The following TSR2 variants were observed in gnomAD, a reference collection of about 807,000 sequenced individuals.
The protein encoded by TSR2 is TSR2 ribosome maturation factor.
In TSR2, 1 loss-of-function variant was observed where a neutral mutation model predicts 13.3. That is an observed-to-expected ratio of 0.08 (90% CI 0.03 to 0.36). The LOEUF (loss-of-function observed/expected upper bound fraction) is 0.36, where lower values mean the gene tolerates loss of function less well. Ranked by LOEUF, TSR2 falls within the 10% of genes least tolerant of loss-of-function variation. The pLI, the probability that TSR2 is intolerant of heterozygous loss-of-function variation, is 0.99. For synonymous variants in TSR2, 60 were observed against 57.7 expected, an observed-to-expected ratio of 1.04 and a Z score of -0.18; for missense variants, 120 against 151.1, an observed-to-expected ratio of 0.79 and a Z score of 1.08.
rs1384963513 is a variant in TSR2 at position 54,447,161 on chromosome X, C to G, written c.*2611C>G. ...CTCCTTGTCTCTAGCCAGTCTTTGT[C>G]TCTCAAGGGTTGGGGTTCTGATTTC... On this transcript the variant is annotated 3_prime_UTR_variant, in exon 5 of 5. Transcript: ENST00000375151. The G allele has an allele frequency of 1.6e-6, 1 of 612,451 alleles. No individual in the cohort carries two copies. The highest frequency in any genetic ancestry group is 3.6e-5 in the East Asian group (1 of 28,045). The allele number at this position is 612,451 out of a possible 1,213,427, so 50.5% of individuals were successfully genotyped here.
rs1569540919 is a variant in TSR2, at chrX:54,446,214, C to CG, written c.*1667dup. 1.7e-6 allele frequency: 2 copies of CG among 1,211,581 alleles called. No individual in the cohort carries two copies. ...CCCTGTCCTCAGACAGTGTGGGCCCCGGGCAGAACGTGTCCCCTCGGCCCG... is the reference window on the plus strand; with the variant it reads ...CCCTGTCCTCAGACAGTGTGGGCCCCGGGGCAGAACGTGTCCCCTCGGCCCG... On this transcript the variant is annotated 3_prime_UTR_variant, in exon 5 of 5. Coordinates refer to ENST00000375151, the MANE Select transcript of TSR2 (RefSeq NM_058163.3).
Position 54,444,413 on chromosome X carries a change from C to T in TSR2, c.442-3C>T. The T allele has an allele frequency of 8.3e-7, 1 of 1,206,939 alleles. No individual in the cohort carries two copies. Among genetic ancestry groups the T allele is most frequent in the Non-Finnish European group, 1.1e-6 (1 of 893,261 alleles). ...TCAGCTCTCTTTTAAATCTCCCCTCCAGGTCACAGCTACGAATGATGGGGC... is the reference window on the plus strand; with the variant it reads ...TCAGCTCTCTTTTAAATCTCCCCTCTAGGTCACAGCTACGAATGATGGGGC... On this transcript the variant is annotated splice_polypyrimidine_tract_variant and splice_region_variant and intron_variant, in intron 4 of 4. Coordinates refer to ENST00000375151, the MANE Select transcript of TSR2 (RefSeq NM_058163.3).
rs1258061804 is a variant in TSR2 at position 54,447,858 on chromosome X, T to C, written c.*3308T>C. ...TTTAAGGGGGTATGTGGGTGGTTAATGAAGTCTGGCTTAGAATCCCAGCTC... is the reference window on the plus strand; with the variant it reads ...TTTAAGGGGGTATGTGGGTGGTTAACGAAGTCTGGCTTAGAATCCCAGCTC... On this transcript the variant is annotated 3_prime_UTR_variant, in exon 5 of 5. Transcript: ENST00000375151. Among the ~76,000 whole-genome samples, 3 of 112,238 alleles carry C rather than the reference T, an allele frequency of 2.7e-5. No individual in the cohort carries two copies. The highest frequency in any genetic ancestry group is 5.6e-5 in the Non-Finnish European group (3 of 53,304).
chrX:54,445,378 C>G lies in TSR2; in HGVS notation c.*828C>G, dbSNP rs1450404023. ...TTCAGAGTTTACAAGGGAGCAGTTT[C>G]TGGGCCCACCCTAGCAGCCTGGTAC... On this transcript the variant is annotated 3_prime_UTR_variant, in exon 5 of 5. Coordinates refer to ENST00000375151, the MANE Select transcript of TSR2 (RefSeq NM_058163.3). 1.8e-5 allele frequency: 2 copies of G among 111,075 alleles called. No individual in the cohort carries two copies. Among genetic ancestry groups the G allele is most frequent in the African/African-American group, 6.6e-5 (2 of 30,444 alleles). 9.2% of individuals were successfully genotyped at this position (111,075 alleles called of 1,213,427 possible).
rs947732354 is a variant in TSR2 at position 54,446,383 on chromosome X, A to G, written c.*1833A>G. The G allele has an allele frequency of 3.3e-6, 4 of 1,210,588 alleles. No homozygotes were observed. The highest frequency in any genetic ancestry group is 4.5e-6 in the Non-Finnish European group (4 of 894,958). On this transcript the variant is annotated 3_prime_UTR_variant, in exon 5 of 5. Coordinates refer to ENST00000375151, the MANE Select transcript of TSR2 (RefSeq NM_058163.3). The stretch of plus-strand genomic sequence containing the variant: ...CTCGGGCGGTCCCACCTCGAAGCCA[A>G]TGAGGGGCAGGCTGCGCTGGGCTTT...
Position 54,444,209 on chromosome X carries a change from G to A in TSR2, c.441+25G>A, listed in dbSNP as rs140639150. ...GGTGAAGTGGGTGCCCCCTGGGTTG[G>A]GGGATACAGATGTTTTCAATTTTCT... On this transcript the variant is annotated intron_variant, in intron 4 of 4. Transcript: ENST00000375151. The A allele has an allele frequency of 2.3e-3, 2,735 of 1,194,465 alleles. 4 individuals are homozygous for A. Among genetic ancestry groups the A allele is most frequent in the Non-Finnish European group, 2.8e-3 (2,468 of 885,952 alleles).
At chrX:54,443,350 G>C in intron 2 of TSR2, 50 bp from the exon 3 acceptor site, 1 of 938,329 alleles carries the variant, frequency 1.1e-6, no homozygotes, top group East Asian at 3.1e-5. Context: ...GGGCAGGGGT[G>C]ATGAAGTTGG....
In TSR2 at chrX:54,443,394, A is replaced by G. The variant is rs1027026241; in HGVS notation, c.173-6A>G. 1 of 1,200,642 alleles carries G rather than the reference A, an allele frequency of 8.3e-7. No individual in the cohort carries two copies. Among genetic ancestry groups the G allele is most frequent in the Non-Finnish European group, 1.1e-6 (1 of 887,368 alleles). On this transcript the variant is annotated splice_region_variant and splice_polypyrimidine_tract_variant and intron_variant, in intron 2 of 4. Coordinates refer to ENST00000375151, the MANE Select transcript of TSR2 (RefSeq NM_058163.3). ...TGACCCAAGGGCCCTGTCCTTTTCT[A>G]CTTAGCTGACTTGGAGCTAGATGAG... is the stretch of plus-strand genomic sequence containing the variant.
Position 54,447,671 on chromosome X carries a change from GC to G in TSR2, c.*3123del, listed in dbSNP as rs1489079050. Among the ~76,000 whole-genome samples, 1 of 112,769 alleles carries G rather than the reference GC, an allele frequency of 8.9e-6. No homozygotes were observed. Among genetic ancestry groups the G allele is most frequent in the Non-Finnish European group, 1.9e-5 (1 of 53,372 alleles). ...CTGCCTCATTTGGGCAACGGCTGCT[GC>G]CTCTACAGGCCAGTGGAAGGAGTGT... On this transcript the variant is annotated 3_prime_UTR_variant, in exon 5 of 5. Transcript: ENST00000375151.
chrX:54,444,593 C>A lies in TSR2; in HGVS notation c.*43C>A. The A allele has an allele frequency of 1.7e-6, 2 of 1,180,042 alleles. No homozygotes were observed. The highest frequency in any genetic ancestry group is 1.9e-5 in the South Asian group (1 of 51,933). On this transcript the variant is annotated 3_prime_UTR_variant, in exon 5 of 5. Transcript: ENST00000375151. ...TGGCTTTGGGCCCTTATTTGCTGTT[C>A]TAAGAGTTGTCTGTAGGGGTTTTTT...
At chrX:54,443,927 T>C in intron 3 of TSR2, 81 bp from the exon 4 acceptor site, 1 of 1,157,464 alleles carries the variant, frequency 8.6e-7, no homozygotes, top group Admixed American at 2.5e-5. Flanking sequence ...TCCAACCTAC[T>C]CCCCACTGTT....
At position 54,445,990 on chromosome X, in the gene TSR2, AAAGTGCCCGTG is replaced by A. The variant is rs1357590384; in HGVS notation, c.*1442_*1452del. On this transcript the variant is annotated 3_prime_UTR_variant, in exon 5 of 5. Transcript: ENST00000375151. ...ACCCAAGACCCAGCATTCGGGATTG[AAAGTGCCCGTG>A]ATGGGAGTTCAAGTATTGACTGAGC... The A allele has an allele frequency of 1.9e-6, 1 of 524,377 alleles. No homozygotes were observed. The highest frequency in any genetic ancestry group is 3.1e-6 in the Non-Finnish European group (1 of 321,190). The allele number at this position is 524,377 out of a possible 1,213,427, so 43.2% of individuals were successfully genotyped here.
In TSR2 at chrX:54,447,232, TC is replaced by T. The variant is rs768576582; in HGVS notation, c.*2684del. 2,172 of 1,097,240 alleles carry T rather than the reference TC, an allele frequency of 2.0e-3. 3 individuals carry two copies. Among genetic ancestry groups the T allele is most frequent in the Non-Finnish European group, 2.5e-3 (2,017 of 794,710 alleles). 90.4% of individuals were successfully genotyped at this position (1,097,240 alleles called of 1,213,427 possible). A position where few individuals can be genotyped will look rare whatever the true frequency, so the allele number is the denominator to read the frequency against. ...TTATCTTCCAAGGCTCACCTTATCT[TC>T]CAAGGCCAAGGAGAGGTCAAGGACT... is the stretch of plus-strand genomic sequence containing the variant. On this transcript the variant is annotated 3_prime_UTR_variant, in exon 5 of 5. Coordinates refer to ENST00000375151, the MANE Select transcript of TSR2 (RefSeq NM_058163.3).
At position 54,440,457 on chromosome X, in the gene TSR2, C is replaced by T. The variant is rs777567453; in HGVS notation, c.36C>T (p.Phe12=). 6.2e-6 allele frequency: 7 copies of T among 1,129,436 alleles called. No individual in the cohort carries two copies. The South Asian group carries it at 1.1e-4, about 18-fold the overall frequency. 93.1% of individuals were successfully genotyped at this position (1,129,436 alleles called of 1,213,427 possible). A position where few individuals can be genotyped will look rare whatever the true frequency, so the allele number is the denominator to read the frequency against. The part of the protein sequence containing the change: ...AGAAEDARAL[F]RAGVCAALEA... ...CTGCAGAAGATGCGCGAGCTCTTTT[C>T]CGGGCTGGGGTCTGCGCGGCCCTGG... The change falls in exon 1 of 5, where the codon TTC becomes TTT. Residue 12 remains phenylalanine (F), a synonymous_variant. Coordinates refer to ENST00000375151, the MANE Select transcript of TSR2 (RefSeq NM_058163.3).
At position 54,444,653 on chromosome X, in the gene TSR2, C is replaced by T. The variant is rs1406679047; in HGVS notation, c.*103C>T. On this transcript the variant is annotated 3_prime_UTR_variant, in exon 5 of 5. Coordinates refer to ENST00000375151, the MANE Select transcript of TSR2 (RefSeq NM_058163.3). ...TTGCAGACCTGTGGACTGGTTACCCCATCTCCACCCTCTCCCCTGTTCCTC... is the reference window on the plus strand; with the variant it reads ...TTGCAGACCTGTGGACTGGTTACCCTATCTCCACCCTCTCCCCTGTTCCTC... 1 of 817,570 alleles carries T rather than the reference C, an allele frequency of 1.2e-6. No homozygotes were observed. Among genetic ancestry groups the T allele is most frequent in the Non-Finnish European group, 1.7e-6 (1 of 584,578 alleles). 67.4% of individuals were successfully genotyped at this position (817,570 alleles called of 1,213,427 possible).
At chrX:54,441,053 C>T (rs1041754055) in intron 2 of TSR2, among the ~76,000 whole-genome samples, 1 of 111,671 alleles carries the variant, frequency 9.0e-6, no homozygotes, top group Non-Finnish European at 1.9e-5. Context: ...CACCAGAGCG[C>T]TGTACAGTAG....
rs1922277496 is a variant in TSR2 at position 54,448,000 on chromosome X, TTAAA to T, written c.*3457_*3460del. On this transcript the variant is annotated 3_prime_UTR_variant, in exon 5 of 5. Coordinates refer to ENST00000375151, the MANE Select transcript of TSR2 (RefSeq NM_058163.3). ...CACAGAGTAAGTACTCTTTTAAGTGTTAAATAAATACCTAGATTTGTTTTTAAAA... is the reference window on the plus strand; with the variant it reads ...CACAGAGTAAGTACTCTTTTAAGTGTTAAATACCTAGATTTGTTTTTAAAA... Among the ~76,000 whole-genome samples the T allele has an allele frequency of 9.0e-6, 1 of 111,602 alleles. No individual in the cohort carries two copies. Among genetic ancestry groups the T allele is most frequent in the South Asian group, 3.7e-4 (1 of 2,674 alleles).
At chrX:54,444,211 G>A in intron 4 of TSR2, 27 bp downstream of exon 4, 1 of 1,188,981 alleles carries the variant, frequency 8.4e-7, no homozygotes, top group Non-Finnish European at 1.1e-6. Context: ...CTGGGTTGGG[G>A]GATACAGATG....
chrX:54,441,282 C>G (rs958898571), intron 2 of TSR2, among the ~76,000 whole-genome samples: 1 of 111,459 alleles, frequency 9.0e-6, no homozygotes, highest in Non-Finnish European at 1.9e-5. Context: ...AGCCATATTT[C>G]AAGTGCTCAG....
Sources: allele counts gnomAD v4.1 joint callset (sites outside exome capture counted in the v4.1 genomes callset), GRCh38; gene constraint gnomAD v4.1.1; transcripts MANE v1.5; gene names NCBI Gene and HGNC (gene_info 2026-07-23, HGNC 2026-07-21).